ABI3BP: variants seen among roughly 807,000 people sequenced by gnomAD.
The protein encoded by ABI3BP is ABI family member 3 binding protein.
ABI3BP carries 216 observed loss-of-function variants against 268.6 expected under a neutral mutation model. That is an observed-to-expected ratio of 0.80 (90% CI 0.72 to 0.90). ABI3BP has a LOEUF of 0.90. ABI3BP is among the 40% of genes least tolerant of loss of function. The pLI, the probability that ABI3BP is intolerant of heterozygous loss-of-function variation, is 0.00. For synonymous variants in ABI3BP, 730 were observed against 730.0 expected (o/e 1.00, Z 0.00); for missense variants, 2,090 against 2,182.4 (o/e 0.96, Z 0.84).
At chr3:100,832,473 C>T (rs967434540) in intron 30 of ABI3BP, 123 bp from the exon 31 acceptor site, 24 of 957,346 alleles carry the variant, frequency 2.5e-5, no homozygotes, top group South Asian at 6.1e-5. Flanking sequence ...TTGTCATTTT[C>T]GTTTGAAATT....
chr3:100,829,651 A>G lies in ABI3BP; in HGVS notation c.2472T>C (p.Pro824=). 1 of 1,535,528 alleles carries G rather than the reference A, an allele frequency of 6.5e-7. No homozygotes were observed. Among genetic ancestry groups the G allele is most frequent in the Non-Finnish European group, 8.7e-7 (1 of 1,146,364 alleles). The change falls in exon 33 of 68, where the codon CCT becomes CCC. Residue 824 remains proline, a synonymous_variant. Transcript: ENST00000471714. The part of the protein sequence containing the change: ...ASGTTAAPKV[P]QRTHRPHPKP... The stretch of plus-strand genomic sequence containing the variant: ...TGGGATGTGGACGATGAGTTCGTTG[A>G]GGCACTTTGGGAGCTAAAGGAAGAA...
chr3:100,956,202 A>C (rs1203013023), intron 1 of ABI3BP, among the ~76,000 whole-genome samples: 1 of 135,064 alleles, frequency 7.4e-6, no homozygotes, highest in Non-Finnish European at 1.5e-5. Flanking sequence ...CTCAAAAAAA[A>C]AAAAGAAAAA....
chr3:100,840,745 A>T, intron 22 of ABI3BP, 75 bp downstream of exon 22: 3 of 1,288,482 alleles, frequency 2.3e-6, no homozygotes, highest in Non-Finnish European at 3.2e-6. Flanking sequence ...TAATTCATTA[A>T]TGTGAGTCTG....
Position 100,831,370 on chromosome 3 carries a change from T to G in ABI3BP, c.2402-736A>C, listed in dbSNP as rs185780726. Among the ~76,000 whole-genome samples the G allele has an allele frequency of 2.3e-3, 357 of 152,142 alleles. 1 individual carries two copies. The highest frequency in any genetic ancestry group is 8.3e-3 in the African/African-American group (345 of 41,526). On this transcript the variant is annotated intron_variant, in intron 31 of 67. Transcript: ENST00000471714. ...GAATCACTGGGAGGTTGCCCTAGAGTTTGTGCACCACACATATTAACAGCC... is the reference window on the plus strand; with the variant it reads ...GAATCACTGGGAGGTTGCCCTAGAGGTTGTGCACCACACATATTAACAGCC...
intron 1 of ABI3BP, among the ~76,000 whole-genome samples, chr3:100,974,191 AAC>A (rs1562210948): frequency 6.6e-6 from 1 of 152,192 alleles, no homozygotes; most frequent in Non-Finnish European, 1.5e-5. Flanking sequence ...ACTTAGGAAA[AAC>A]AGTTTGATGT....
At chr3:100,988,658 A>C (rs924496106) in intron 1 of ABI3BP, among the ~76,000 whole-genome samples, 8 of 152,120 alleles carry the variant, frequency 5.3e-5, no homozygotes, top group African/African-American at 1.9e-4. Flanking sequence ...ACACTGAAGG[A>C]TGACCCCTCT....
intron 50 of ABI3BP, among the ~76,000 whole-genome samples, chr3:100,805,974 C>A (rs998274190): frequency 4.6e-5 from 7 of 151,834 alleles, no homozygotes; most frequent in African/African-American, 1.7e-4. Context: ...TAGGAGCACC[C>A]ATAATTTTGA....
chr3:100,818,945 T>C (rs2098129506), intron 40 of ABI3BP, among the ~76,000 whole-genome samples: 1 of 152,172 alleles, frequency 6.6e-6, no homozygotes. Context: ...TAACAGTGTG[T>C]CTAAATGAGC....
intron 20 of ABI3BP, 74 bp from the exon 21 acceptor site, chr3:100,842,113 C>G: frequency 7.8e-7 from 1 of 1,280,650 alleles, no homozygotes; most frequent in Non-Finnish European, 1.1e-6. Flanking sequence ...ATGTTCTTGA[C>G]TATAAACGGA....
At chr3:100,770,036 C>G (rs1233909410) in intron 62 of ABI3BP, among the ~76,000 whole-genome samples, 1 of 152,218 alleles carries the variant, frequency 6.6e-6, no homozygotes, top group Non-Finnish European at 1.5e-5. Flanking sequence ...GTTGACCCCT[C>G]TATTCCCTGC....
intron 62 of ABI3BP, 88 bp downstream of exon 62, chr3:100,770,655 A>G: frequency 7.9e-7 from 1 of 1,264,976 alleles, no homozygotes; most frequent in Non-Finnish European, 1.0e-6. Flanking sequence ...TATGCTTCAC[A>G]TGTCAACGTT....
intron 1 of ABI3BP, among the ~76,000 whole-genome samples, chr3:100,942,363 T>A (rs1209039437): frequency 6.6e-6 from 1 of 152,090 alleles, no homozygotes; most frequent in African/African-American, 2.4e-5. Flanking sequence ...GTAGTTTTTA[T>A]CCCATGAGGA....
intron 19 of ABI3BP, among the ~76,000 whole-genome samples, chr3:100,847,401 G>A (rs2098782385): frequency 6.6e-6 from 1 of 152,180 alleles, no homozygotes; most frequent in South Asian, 2.1e-4. Context: ...TGAAGGCTGA[G>A]TTCAGATCTA....
At chr3:100,823,619 C>CAACAA in intron 36 of ABI3BP, 105 bp from the exon 37 acceptor site, 1 of 713,162 alleles carries the variant, frequency 1.4e-6, no homozygotes, top group Non-Finnish European at 2.1e-6. Flanking sequence ...TCCAGAGAAA[C>CAACAA]AAAAAAAAAA....
chr3:100,850,169 G>C, intron 16 of ABI3BP, 50 bp from the exon 17 acceptor site: 1 of 1,523,266 alleles, frequency 6.6e-7, no homozygotes, highest in Non-Finnish European at 9.0e-7. Flanking sequence ...TTAAAATGAG[G>C]TATTTGAAGA....
intron 57 of ABI3BP, among the ~76,000 whole-genome samples, chr3:100,781,838 C>T (rs549525604): frequency 2.0e-5 from 3 of 152,212 alleles, no homozygotes; most frequent in South Asian, 4.1e-4. Context: ...TCCTTACAAC[C>T]GTCTGTGTGT....
chr3:100,792,214 C>T (rs1210900693), intron 55 of ABI3BP, among the ~76,000 whole-genome samples: 1 of 151,732 alleles, frequency 6.6e-6, no homozygotes, highest in African/African-American at 2.4e-5. Context: ...TAAATATTGT[C>T]ATAATTTTGA....
At chr3:100,811,157 G>A (rs1048090581) in intron 48 of ABI3BP, 73 bp downstream of exon 48, 1 of 1,269,966 alleles carries the variant, frequency 7.9e-7, no homozygotes, top group African/African-American at 1.5e-5. Flanking sequence ...CAATGAGAGA[G>A]ACCCAGAGGT....
intron 4 of ABI3BP, among the ~76,000 whole-genome samples, chr3:100,898,184 T>C (rs927659039): frequency 6.6e-6 from 1 of 152,220 alleles, no homozygotes; most frequent in African/African-American, 2.4e-5. Context: ...TGCCTGTGTG[T>C]CTCTCCTCAG....
Sources: gnomAD v4.1 joint callset for allele counts (sites outside exome capture counted in the v4.1 genomes callset) on GRCh38, gnomAD v4.1.1 for gene constraint, MANE v1.5 for transcripts, NCBI Gene and HGNC (gene_info 2026-07-23, HGNC 2026-07-21) for gene names.